The following SLC16A14 variants were observed in gnomAD, a reference collection of about 807,000 sequenced individuals.
The protein encoded by SLC16A14 is solute carrier family 16 member 14, also known as monocarboxylate transporter 14.
Under a neutral mutation model 35.8 loss-of-function variants are expected in SLC16A14, and 14 were observed. The observed-to-expected ratio is 0.39, with a 90% CI of 0.26 to 0.61. The LOEUF (loss-of-function observed/expected upper bound fraction) is 0.61, where lower values mean the gene tolerates loss of function less well. Ranked by LOEUF, SLC16A14 falls within the 20% of genes least tolerant of loss-of-function variation. The pLI is 0.51. For missense variants in SLC16A14, 533 were observed against 655.0 expected (o/e 0.81, Z 2.03); for synonymous variants, 248 against 258.9 (o/e 0.96, Z 0.40).
At chr2:230,061,298 A>C (rs2077750203) in intron 1 of SLC16A14, among the ~76,000 whole-genome samples, 1 of 152,254 alleles carries the variant, frequency 6.6e-6, no homozygotes, top group African/African-American at 2.4e-5. Context: ...TGTATGCTTC[A>C]AATTAGCTGG....
Position 230,040,340 on chromosome 2 carries a change from CT to C in SLC16A14, c.1382-2810del, listed in dbSNP as rs555249926. ...GTTCAAGCAATTCTCCTGCCTCAGC[CT>C]CCCGAGTAGCTGGGATTACAGGCGG... On this transcript the variant is annotated intron_variant, in intron 4 of 4. Coordinates refer to ENST00000295190, the MANE Select transcript of SLC16A14 (RefSeq NM_152527.5). 3.8e-3 allele frequency among the ~76,000 whole-genome samples: 583 copies of C among 152,212 alleles called. 4 individuals carry two copies. The highest frequency in any genetic ancestry group is 0.01 in the Middle Eastern group (3 of 294).
At chr2:230,047,999 T>G (rs1351273541) in intron 3 of SLC16A14, among the ~76,000 whole-genome samples, 1 of 152,242 alleles carries the variant, frequency 6.6e-6, no homozygotes, top group African/African-American at 2.4e-5. Context: ...TAGATATATA[T>G]TACAAGAAGC....
At position 230,035,815 on chromosome 2, in the gene SLC16A14, A is replaced by G. The variant is rs1480532565; in HGVS notation, c.*1565T>C. The stretch of plus-strand genomic sequence containing the variant: ...CTTTCATTACACAACCACTCCCACT[A>G]TACATTAGAGCAGGAAATAATGGAG... On this transcript the variant is annotated 3_prime_UTR_variant, in exon 5 of 5. Transcript: ENST00000295190. 6.6e-6 allele frequency: 1 copy of G among 152,156 alleles called. No homozygotes were observed. Among genetic ancestry groups the G allele is most frequent in the Non-Finnish European group, 1.5e-5 (1 of 68,026 alleles). The allele number at this position is 152,156 out of a possible 1,614,324, so 9.4% of individuals were successfully genotyped here.
chr2:230,040,676 A>T (rs1485589341), intron 4 of SLC16A14, among the ~76,000 whole-genome samples: 1 of 152,206 alleles, frequency 6.6e-6, no homozygotes, highest in Non-Finnish European at 1.5e-5. Context: ...GAACAATTTA[A>T]CATAGTGCAA....
At chr2:230,048,266 A>G (rs2077625446) in intron 3 of SLC16A14, among the ~76,000 whole-genome samples, 2 of 152,244 alleles carry the variant, frequency 1.3e-5, no homozygotes, top group Admixed American at 1.3e-4. Context: ...TAACTTGCCC[A>G]AAGTCACACA....
intron 4 of SLC16A14, among the ~76,000 whole-genome samples, chr2:230,043,915 C>T (rs1348047954): frequency 6.6e-6 from 1 of 152,218 alleles, no homozygotes; most frequent in Non-Finnish European, 1.5e-5. Flanking sequence ...ATACCAAGTT[C>T]TCTGGTTAAT....
chr2:230,062,576 C>T (rs2077759918), intron 1 of SLC16A14, among the ~76,000 whole-genome samples: 1 of 151,954 alleles, frequency 6.6e-6, no homozygotes. Flanking sequence ...CTCAAGCAAG[C>T]CTCCTGCTTT....
At chr2:230,055,001 G>T (rs2077693450) in intron 2 of SLC16A14, among the ~76,000 whole-genome samples, 1 of 152,090 alleles carries the variant, frequency 6.6e-6, no homozygotes. Context: ...AAAACCATTT[G>T]TATTATTCAT....
Position 230,037,592 on chromosome 2 carries a change from A to G in SLC16A14, c.1382-61T>C, listed in dbSNP as rs1016297915. 1.4e-5 allele frequency: 20 copies of G among 1,380,182 alleles called. No individual in the cohort carries two copies. The Admixed American group carries it at 4.9e-4, about 34-fold the overall frequency. 85.5% of individuals were successfully genotyped at this position (1,380,182 alleles called of 1,614,324 possible). The stretch of plus-strand genomic sequence containing the variant: ...AGTTGATACAATGAAAGTGAAGAAC[A>G]TGAAGCAGGCATTTATTGCTGCTGT... On this transcript the variant is annotated intron_variant, in intron 4 of 4. Transcript: ENST00000295190.
In SLC16A14 at chr2:230,038,579, T is replaced by A. The variant is rs1467072516; in HGVS notation, c.1382-1048A>T. On this transcript the variant is annotated intron_variant, in intron 4 of 4. Transcript: ENST00000295190. This position sits in a 1 kb window ranked among gnomAD's most constrained non-coding sequence, Gnocchi z 4.4. ...GAACATTCATTTTTTTCCCTTTTAG[T>A]AAGTACATTAATTAGCAGAGACTTA... Among the ~76,000 whole-genome samples the A allele has an allele frequency of 1.3e-5, 2 of 152,260 alleles. No homozygotes were observed. Among genetic ancestry groups the A allele is most frequent in the East Asian group, 3.9e-4 (2 of 5,182 alleles).
At chr2:230,039,061 C>G (rs1454812382) in intron 4 of SLC16A14, among the ~76,000 whole-genome samples, 1 of 151,608 alleles carries the variant, frequency 6.6e-6, no homozygotes, top group East Asian at 1.9e-4. Flanking sequence ...ACAAAAGCAA[C>G]CAGGAAAGGT....
chr2:230,064,604 G>C lies in SLC16A14; in HGVS notation c.-15+3951C>G, dbSNP rs549134069. Among the ~76,000 whole-genome samples the C allele has an allele frequency of 3.1e-4, 47 of 152,316 alleles. 1 individual carries two copies. The highest frequency in any genetic ancestry group is 1.1e-3 in the African/African-American group (47 of 41,578). ...TAGCTCATAAAAATGTCATTTTGCTGTCCATGGGAAAATGCTCAGCTATGT... is the reference window on the plus strand; with the variant it reads ...TAGCTCATAAAAATGTCATTTTGCTCTCCATGGGAAAATGCTCAGCTATGT... On this transcript the variant is annotated intron_variant, in intron 1 of 4. Transcript: ENST00000295190.
At chr2:230,060,261 G>A (rs1052516515) in intron 1 of SLC16A14, among the ~76,000 whole-genome samples, 3 of 152,134 alleles carry the variant, frequency 2.0e-5, no homozygotes, top group African/African-American at 7.2e-5. Flanking sequence ...TAATGAGATG[G>A]GTACTTTGCA....
chr2:230,047,425 A>G (rs1269648121), intron 3 of SLC16A14, among the ~76,000 whole-genome samples: 2 of 147,656 alleles, frequency 1.4e-5, no homozygotes. Context: ...TGATCCTCTC[A>G]CCTCAGTCTC....
At chr2:230,066,969 G>T (rs982196045) in intron 1 of SLC16A14, 1 of 203,422 alleles carries the variant, frequency 4.9e-6, no homozygotes, top group Admixed American at 5.5e-5. Flanking sequence ...TACATTGCAT[G>T]TGGTGAGCTC....
At chr2:230,061,349 G>A (rs1291232239) in intron 1 of SLC16A14, among the ~76,000 whole-genome samples, 3 of 152,186 alleles carry the variant, frequency 2.0e-5, no homozygotes, top group Non-Finnish European at 4.4e-5. Context: ...TATTCTACAT[G>A]GAAGTTATTT....
intron 1 of SLC16A14, among the ~76,000 whole-genome samples, chr2:230,064,406 G>A (rs894526453): frequency 6.6e-6 from 1 of 152,020 alleles, no homozygotes; most frequent in African/African-American, 2.4e-5. Context: ...GGCAGCCCTT[G>A]CTCTCCAAAG....
intron 4 of SLC16A14, 96 bp from the exon 5 acceptor site, chr2:230,037,627 T>C: frequency 1.1e-6 from 1 of 939,002 alleles, no homozygotes; most frequent in Non-Finnish European, 1.6e-6. Context: ...TACATGTTTC[T>C]ACAAGAATTT....
rs772112888 is a variant in SLC16A14, at chr2:230,045,853, T to C, written c.1273A>G (p.Met425Val). 2 of 1,614,010 alleles carry C rather than the reference T, an allele frequency of 1.2e-6. No homozygotes were observed. Among genetic ancestry groups the C allele is most frequent in the South Asian group, 1.1e-5 (1 of 91,050 alleles). ...ACCAAGTCTTCAGTCACTACGGGCA[T>C]TAGGGAGAAATAACCACTGGAAAAC... Reference protein sequence around the residue: ...IGFSSGYFSLMPVVTEDLVGI... With the variant: ...IGFSSGYFSLVPVVTEDLVGI... The change falls in exon 4 of 5, where the codon ATG (methionine) becomes GTG (valine). Residue 425 changes from methionine (M) to valine (V), a missense_variant. Physicochemically the swap from Met to Val is conservative, Grantham distance 21. Coordinates refer to ENST00000295190, the MANE Select transcript of SLC16A14 (RefSeq NM_152527.5).
Sources: allele counts gnomAD v4.1 joint callset (sites outside exome capture counted in the v4.1 genomes callset), GRCh38; gene constraint gnomAD v4.1.1; non-coding constraint Gnocchi (gnomAD v3.1); transcripts MANE v1.5; gene names NCBI Gene and HGNC (gene_info 2026-07-23, HGNC 2026-07-21).